The following MYH14 variants were observed in gnomAD, a reference collection of about 807,000 sequenced individuals.
The protein encoded by MYH14 is myosin-14.
A neutral mutation model predicts 255.5 loss-of-function variants in MYH14; 123 were observed. The observed-to-expected ratio is 0.48, with a 90% CI of 0.42 to 0.56. MYH14 has a LOEUF of 0.56. Among genes scored for constraint, MYH14 ranks in the 20% least tolerant of loss-of-function variants. MYH14 has a pLI of 0.00. For synonymous variants in MYH14, 1,095 were observed against 1,161.2 expected (o/e 0.94, Z 1.16); for missense variants, 2,423 against 2,802.3 (o/e 0.86, Z 3.06).
intron 1 of MYH14, among the ~76,000 whole-genome samples, chr19:50,206,466 C>T (rs187564822): frequency 6.6e-5 from 10 of 152,066 alleles, no homozygotes; most frequent in East Asian, 3.9e-4. Flanking sequence ...AGTTTGGGTC[C>T]GGTGTATCCA....
intron 3 of MYH14, among the ~76,000 whole-genome samples, chr19:50,219,411 G>A (rs12986379): frequency 0.5 from 76,366 of 151,632 alleles, 21,967 homozygotes; most frequent in Non-Finnish European, 0.64. Context: ...GTGTGGATAC[G>A]GTGAAATGGG....
At chr19:50,223,637 A>G (rs1411721010) in intron 5 of MYH14, among the ~76,000 whole-genome samples, 1 of 152,212 alleles carries the variant, frequency 6.6e-6, no homozygotes, top group Non-Finnish European at 1.5e-5. Context: ...TTAGGTGATC[A>G]TGATGCCTGG....
At chr19:50,222,346 G>T (rs1283159334) in intron 3 of MYH14, among the ~76,000 whole-genome samples, 1 of 151,928 alleles carries the variant, frequency 6.6e-6, no homozygotes, top group Admixed American at 6.6e-5. Flanking sequence ...TGGGCGTGGT[G>T]GTGGGCGCCT....
intron 33 of MYH14, among the ~76,000 whole-genome samples, chr19:50,283,372 G>A (rs1301647654): frequency 6.6e-6 from 1 of 152,270 alleles, no homozygotes; most frequent in East Asian, 1.9e-4. Flanking sequence ...CACCCACCTC[G>A]GCCTCCCGAA....
rs955224526 is a variant in MYH14, at chr19:50,250,250, G to A, written c.1657-265G>A. On this transcript the variant is annotated intron_variant, in intron 14 of 42. Transcript: ENST00000642316. This position sits in a 1 kb window ranked among gnomAD's most constrained non-coding sequence, Gnocchi z 5.4. ...CGAGTAGCTGGGACTACAGGTGCCC[G>A]CCACCACGCCCGGCTAATTTTTTGT... Among the ~76,000 whole-genome samples the A allele has an allele frequency of 1.9e-4, 29 of 149,794 alleles. No homozygotes were observed. The highest frequency in any genetic ancestry group is 3.4e-3 in the Middle Eastern group (1 of 294).
intron 17 of MYH14, among the ~76,000 whole-genome samples, chr19:50,255,966 A>G (rs1014253277): frequency 6.6e-6 from 1 of 150,786 alleles, no homozygotes; most frequent in Admixed American, 6.7e-5. Context: ...TTCCTGAGGA[A>G]CCTGGCATGA....
Position 50,289,591 on chromosome 19 carries a change from T to C in MYH14, c.4908T>C (p.Arg1636=). The change falls in exon 35 of 43, where the codon CGT becomes CGC. Residue 1636 remains arginine, a synonymous_variant. Coordinates refer to ENST00000642316, the MANE Select transcript of MYH14 (RefSeq NM_001145809.2). ...TVQALKTQHE[R]DLQGRDEAGE... is the part of the protein sequence containing the mutation. ...AGGCTCTCAAGACTCAGCATGAGCG[T>C]GACCTGCAGGGCCGTGATGAGGCTG... 6.2e-7 allele frequency: 1 copy of C among 1,612,948 alleles called. No homozygotes were observed. Among genetic ancestry groups the C allele is most frequent in the Non-Finnish European group, 8.5e-7 (1 of 1,179,604 alleles).
intron 2 of MYH14, among the ~76,000 whole-genome samples, chr19:50,216,809 T>C (rs975496379): frequency 9.0e-5 from 7 of 77,878 alleles, no homozygotes; most frequent in Non-Finnish European, 1.0e-4. Flanking sequence ...TTCTTTTTTT[T>C]TTTTTTTTTT....
rs148287372 is a variant in MYH14, at chr19:50,263,167, C to A, written c.2586-145C>A. 9.1e-5 allele frequency: 49 copies of A among 540,864 alleles called. No individual in the cohort carries two copies. In the Admixed American group the frequency reaches 1.7e-3, roughly 19 times the overall value. The allele number at this position is 540,864 out of a possible 1,614,324, so 33.5% of individuals were successfully genotyped here. A position where few individuals can be genotyped will look rare whatever the true frequency, so the allele number is the denominator to read the frequency against. ...TGAGCCCAGATCATGCCATTGCACTCCAGCCTAGGCAACAGAGCAAGACTC... is the reference window on the plus strand; with the variant it reads ...TGAGCCCAGATCATGCCATTGCACTACAGCCTAGGCAACAGAGCAAGACTC... On this transcript the variant is annotated intron_variant, in intron 21 of 42. Transcript: ENST00000642316.
At chr19:50,231,786 C>A in intron 9 of MYH14, 144 bp from the exon 10 acceptor site, 2 of 1,087,062 alleles carry the variant, frequency 1.8e-6, no homozygotes, top group Non-Finnish European at 2.6e-6. Context: ...CACCCCCGAC[C>A]CTTCCCACCA....
intron 39 of MYH14, among the ~76,000 whole-genome samples, chr19:50,298,327 A>T (rs2036352136): frequency 6.6e-6 from 1 of 151,910 alleles, no homozygotes; most frequent in South Asian, 2.1e-4. Flanking sequence ...GGTTCTGTTT[A>T]CTCTAAAAGG....
At chr19:50,275,286 T>C (rs788338) in intron 27 of MYH14, among the ~76,000 whole-genome samples, 71,981 of 151,954 alleles carry the variant, frequency 0.47, 17,788 homozygotes, top group African/African-American at 0.6. Flanking sequence ...AATGACGCTG[T>C]GTGAAGGGAC....
chr19:50,261,431 C>G lies in MYH14; in HGVS notation c.2425-44C>G. The G allele has an allele frequency of 2.4e-6, 2 of 845,722 alleles. 1 individual carries two copies. Among genetic ancestry groups the G allele is most frequent in the Non-Finnish European group, 2.9e-6 (2 of 682,344 alleles). The allele number at this position is 845,722 out of a possible 1,614,324, so 52.4% of individuals were successfully genotyped here. A position where few individuals can be genotyped will look rare whatever the true frequency, so the allele number is the denominator to read the frequency against. On this transcript the variant is annotated intron_variant, in intron 20 of 42. Transcript: ENST00000642316. ...CCCCCTCCTCACCACCCCCACTCCC[C>G]CATCACCCCCTCTCCGTCATCACCC... is the stretch of plus-strand genomic sequence containing the variant.
rs751699108 is a variant in MYH14, at chr19:50,309,184, T to C, written c.5960+7T>C. On this transcript the variant is annotated splice_region_variant and intron_variant, in intron 42 of 42. Transcript: ENST00000642316. ...CACTGAGGAACCGGCTTCGGTATGG[T>C]CATCCCACGTACAGGCCTGACGGGT... The C allele has an allele frequency of 2.5e-6, 4 of 1,613,454 alleles. No homozygotes were observed. The South Asian group carries it at 4.4e-5, about 18-fold the overall frequency.
intron 1 of MYH14, among the ~76,000 whole-genome samples, chr19:50,206,816 G>C (rs2031782750): frequency 6.6e-6 from 1 of 151,982 alleles, no homozygotes; most frequent in African/African-American, 2.4e-5. Context: ...GTTGCATATA[G>C]GTCTATCGGG....
chr19:50,233,802 TC>T (rs1270613158), intron 10 of MYH14, among the ~76,000 whole-genome samples: 2 of 60,392 alleles, frequency 3.3e-5, no homozygotes, highest in Non-Finnish European at 6.7e-5. Flanking sequence ...AAATTCCCCC[TC>T]CCCCCTCCCC....
chr19:50,230,459 C>G lies in MYH14; in HGVS notation c.875-66C>G. 7.2e-7 allele frequency: 1 copy of G among 1,386,342 alleles called. No homozygotes were observed. Among genetic ancestry groups the G allele is most frequent in the Non-Finnish European group, 1.0e-6 (1 of 998,148 alleles). 85.9% of individuals were successfully genotyped at this position (1,386,342 alleles called of 1,614,324 possible). ...GGGGGCAGCGTGGGCAGGGCAGGCTCCTGTAGTGGCCTGGCAGCGTCGGGG... is the reference window on the plus strand; with the variant it reads ...GGGGGCAGCGTGGGCAGGGCAGGCTGCTGTAGTGGCCTGGCAGCGTCGGGG... On this transcript the variant is annotated intron_variant, in intron 8 of 42. Transcript: ENST00000642316. This position sits in a 1 kb window ranked among gnomAD's most constrained non-coding sequence, Gnocchi z 4.7.
rs1314260141 is a variant in MYH14 at position 50,250,855 on chromosome 19, G to A, written c.1830+167G>A. Among the ~76,000 whole-genome samples the A allele has an allele frequency of 1.3e-5, 2 of 152,150 alleles. No individual in the cohort carries two copies. Among genetic ancestry groups the A allele is most frequent in the East Asian group, 3.8e-4 (2 of 5,196 alleles). On this transcript the variant is annotated intron_variant, in intron 15 of 42. Transcript: ENST00000642316. This position sits in a 1 kb window ranked among gnomAD's most constrained non-coding sequence, Gnocchi z 5.4. ...GGAGGAGCAAGGATTCTGTCTGATG[G>A]GATCACCAAAAACTTCCTCAAAGAG...
At position 50,257,303 on chromosome 19, in the gene MYH14, G is replaced by C. The variant is rs1251109492; in HGVS notation, c.2049G>C (p.Glu683Asp). The change falls in exon 18 of 43, where the codon GAG becomes GAC. Residue 683 changes from glutamate to aspartate, a missense_variant. This residue lies in a region of MYH14 where 672 missense variants were observed against 881.8 expected (regional missense o/e 0.76). Coordinates refer to ENST00000642316, the MANE Select transcript of MYH14 (RefSeq NM_001145809.2). The stretch of plus-strand genomic sequence containing the variant: ...CTCTGCATCTCCATCTGACAGTGGA[G>C]GGCATCGTGGGGCTGGAACAGGTGA... Reference protein sequence around the residue: ...CSSAISPPGVEGIVGLEQVSS... With the variant: ...CSSAISPPGVDGIVGLEQVSS... 1 of 1,599,874 alleles carries C rather than the reference G, an allele frequency of 6.3e-7. No individual in the cohort carries two copies. The highest frequency in any genetic ancestry group is 8.5e-7 in the Non-Finnish European group (1 of 1,171,170).
Sources: gnomAD v4.1 joint callset for allele counts (sites outside exome capture counted in the v4.1 genomes callset) on GRCh38, gnomAD v4.1.1 for gene constraint, gnomAD v4.1.1 regional missense constraint, Gnocchi (gnomAD v3.1) non-coding constraint, MANE v1.5 for transcripts, NCBI Gene and HGNC (gene_info 2026-07-23, HGNC 2026-07-21) for gene names.